TEX11: variants seen among roughly 807,000 people sequenced by gnomAD.
TEX11 encodes testis-expressed protein 11.
A neutral mutation model predicts 84.4 loss-of-function variants in TEX11; 7 were observed. The observed-to-expected ratio is 0.08, with a 90% CI of 0.05 to 0.16. TEX11 has a LOEUF of 0.16. Ranked by LOEUF, TEX11 falls within the 10% of genes least tolerant of loss-of-function variation. The pLI is 1.00. For missense variants in TEX11, 551 were observed against 660.5 expected (o/e 0.83, Z 1.82); for synonymous variants, 264 against 222.8 (o/e 1.18, Z -1.64).
chrX:70,630,863 G>C (rs1386664830), intron 17 of TEX11, among the ~76,000 whole-genome samples: 3 of 111,904 alleles, frequency 2.7e-5, no homozygotes, highest in African/African-American at 6.5e-5. Context: ...AAAGAAAGCT[G>C]GAGTGGCTAT....
At position 70,682,941 on chromosome X, in the gene TEX11, T is replaced by C. The variant is rs1197062658; in HGVS notation, c.1005-116A>G. The C allele has an allele frequency of 4.8e-6, 3 of 619,270 alleles. No homozygotes were observed. In the East Asian group the frequency reaches 1.1e-4, roughly 23 times the overall value. The allele number at this position is 619,270 out of a possible 1,213,427, so 51.0% of individuals were successfully genotyped here. ...AAGCCAGATAAAAGCATATCTGAAC[T>C]CAGGTAATGTTATTAAATGTCTAAA... On this transcript the variant is annotated intron_variant, in intron 13 of 29. Coordinates refer to ENST00000374333, the MANE Select transcript of TEX11 (RefSeq NM_031276.3).
intron 16 of TEX11, among the ~76,000 whole-genome samples, chrX:70,655,422 A>G (rs756025231): frequency 8.9e-6 from 1 of 111,776 alleles, no homozygotes; most frequent in South Asian, 3.8e-4. Flanking sequence ...TTACATCATT[A>G]TAAAATCAAA....
chrX:70,775,985 T>C (rs1264796887), intron 9 of TEX11, among the ~76,000 whole-genome samples: 1 of 108,062 alleles, frequency 9.3e-6, no homozygotes, highest in African/African-American at 3.4e-5. Context: ...AAGGGAATTC[T>C]TATGCACTGT....
chrX:70,833,134 G>T (rs1465772199), intron 8 of TEX11, among the ~76,000 whole-genome samples: 1 of 109,280 alleles, frequency 9.2e-6, no homozygotes. Context: ...GCCAGGTGTG[G>T]TGGCGCAGGC....
intron 28 of TEX11, among the ~76,000 whole-genome samples, chrX:70,547,041 A>G (rs2147941195): frequency 9.3e-6 from 1 of 107,727 alleles, no homozygotes; most frequent in African/African-American, 3.3e-5. Flanking sequence ...AAAAAAAAAA[A>G]AAAAAAAAAA....
At chrX:70,526,075 AG>A (rs773293505), downstream of TEX11, among the ~76,000 whole-genome samples, 2 of 111,843 alleles carry the variant, frequency 1.8e-5, no homozygotes, top group Admixed American at 1.9e-4. Context: ...CTTGGGCCAA[AG>A]GGGCAGCCTC....
chrX:70,823,454 C>A (rs781739284), intron 8 of TEX11, among the ~76,000 whole-genome samples: 20 of 111,264 alleles, frequency 1.8e-4, no homozygotes, highest in Non-Finnish European at 2.4e-4. Flanking sequence ...TGAATATGTT[C>A]ATTACCTTTA....
intron 5 of TEX11, among the ~76,000 whole-genome samples, chrX:70,859,416 T>TA (rs751240806): frequency 0.018 from 1,497 of 82,623 alleles, 31 homozygotes; most frequent in African/African-American, 0.06. Context: ...TGTCTCTACT[T>TA]AAAAAAAAAA....
intron 25 of TEX11, among the ~76,000 whole-genome samples, chrX:70,555,046 C>T (rs750364379): frequency 8.9e-6 from 1 of 111,883 alleles, no homozygotes; most frequent in Admixed American, 9.6e-5. Context: ...ACTAGAACTA[C>T]CTATATTTTC....
At chrX:70,644,075 G>GA (rs1219965160) in intron 17 of TEX11, among the ~76,000 whole-genome samples, 2 of 100,144 alleles carry the variant, frequency 2.0e-5, no homozygotes, top group Admixed American at 1.1e-4. Context: ...AAATTTACAA[G>GA]AAAAAAAAAA....
intron 28 of TEX11, among the ~76,000 whole-genome samples, chrX:70,545,607 A>G (rs1278003540): frequency 8.9e-6 from 1 of 112,434 alleles, no homozygotes; most frequent in Admixed American, 9.5e-5. Flanking sequence ...AAAGGAATAT[A>G]CTTTAAAATA....
At chrX:70,834,863 C>T (rs1366548299) in intron 7 of TEX11, among the ~76,000 whole-genome samples, 1 of 110,356 alleles carries the variant, frequency 9.1e-6, no homozygotes, top group African/African-American at 3.3e-5. Context: ...TTCTTCTCTT[C>T]TTTACGTGGT....
At chrX:70,621,846 C>A in intron 20 of TEX11, among the ~76,000 whole-genome samples, 1 of 108,380 alleles carries the variant, frequency 9.2e-6, no homozygotes, top group African/African-American at 3.3e-5. Flanking sequence ...TGAATTTCAG[C>A]CAAGCTAAAG....
At chrX:70,604,862 T>C (rs2089177193) in intron 24 of TEX11, among the ~76,000 whole-genome samples, 1 of 111,772 alleles carries the variant, frequency 8.9e-6, no homozygotes, top group African/African-American at 3.2e-5. Flanking sequence ...GTGATATTGA[T>C]AGCTCCTAAA....
chrX:70,801,555 C>T (rs2091187247), intron 9 of TEX11, among the ~76,000 whole-genome samples: 1 of 111,343 alleles, frequency 9.0e-6, no homozygotes, highest in African/African-American at 3.3e-5. Flanking sequence ...TTCTTTGGGG[C>T]ATTGTCTCCA....
At chrX:70,536,382 A>G (rs1470501143) in intron 28 of TEX11, among the ~76,000 whole-genome samples, 1 of 111,554 alleles carries the variant, frequency 9.0e-6, no homozygotes, top group Non-Finnish European at 1.9e-5. Flanking sequence ...TTTATTTTAC[A>G]GATGAGGATA....
chrX:70,587,851 C>A (rs2088875151), intron 25 of TEX11, among the ~76,000 whole-genome samples: 1 of 112,584 alleles, frequency 8.9e-6, no homozygotes, highest in Non-Finnish European at 1.9e-5. Flanking sequence ...CCCTGCAAAG[C>A]CACAGGGGCA....
At chrX:70,644,975 C>T (rs954866635) in intron 17 of TEX11, among the ~76,000 whole-genome samples, 1 of 109,494 alleles carries the variant, frequency 9.1e-6, no homozygotes, top group Non-Finnish European at 1.9e-5. Flanking sequence ...GAAGACAGTA[C>T]AGCTGGTACC....
At position 70,822,460 on chromosome X, in the gene TEX11, A is replaced by T. The variant is rs372416824; in HGVS notation, c.606+11053T>A. 2.3e-3 allele frequency among the ~76,000 whole-genome samples: 260 copies of T among 111,285 alleles called. 3 individuals are homozygous for T. Among genetic ancestry groups the T allele is most frequent in the African/African-American group, 7.8e-3 (240 of 30,596 alleles). ...TGGTATGTATATACACACACACAGG[A>T]TATACATATGCATGTATATACAAAA... On this transcript the variant is annotated intron_variant, in intron 8 of 29. Coordinates refer to ENST00000374333, the MANE Select transcript of TEX11 (RefSeq NM_031276.3).
Sources: allele counts gnomAD v4.1 joint callset (sites outside exome capture counted in the v4.1 genomes callset), GRCh38; gene constraint gnomAD v4.1.1; transcripts MANE v1.5; gene names NCBI Gene and HGNC (gene_info 2026-07-23, HGNC 2026-07-21).